ARFGEF1: variants seen among roughly 807,000 people sequenced by gnomAD.
ARFGEF1 encodes the protein brefeldin A-inhibited guanine nucleotide-exchange protein 1.
In ARFGEF1, 42 loss-of-function variants were observed where a neutral mutation model predicts 231.0. The ratio of observed to expected loss-of-function variants is 0.18; its 90% CI spans 0.14 to 0.24. The LOEUF (loss-of-function observed/expected upper bound fraction) is 0.24. Ranked by LOEUF, ARFGEF1 falls within the 10% of genes least tolerant of loss-of-function variation. The pLI, the probability that ARFGEF1 is intolerant of heterozygous loss-of-function variation, is 1.00. For synonymous variants in ARFGEF1, 710 were observed against 732.3 expected (o/e 0.97, Z 0.49); for missense variants, 1,345 against 2,192.0 (o/e 0.61, Z 7.72).
rs1029237135 is a variant in ARFGEF1 at position 67,276,211 on chromosome 8, T to C, written c.1204-102A>G. 3.7e-5 allele frequency: 48 copies of C among 1,313,156 alleles called. No individual in the cohort carries two copies. The African/African-American group carries it at 5.0e-4, about 14-fold the overall frequency. 81.3% of individuals were successfully genotyped at this position (1,313,156 alleles called of 1,614,324 possible). A position where few individuals can be genotyped will look rare whatever the true frequency, so the allele number is the denominator to read the frequency against. The stretch of plus-strand genomic sequence containing the variant: ...CATTCAATTCACTAACAGGTGGAGA[T>C]TCCCCCACTGTTGGAAGGGGAACCA... On this transcript the variant is annotated intron_variant, in intron 8 of 38. Transcript: ENST00000262215.
chr8:67,199,382 G>A (rs1838233126), intron 38 of ARFGEF1: 2 of 284,126 alleles, frequency 7.0e-6, no homozygotes, highest in Non-Finnish European at 1.3e-5. Context: ...ATAAGCAGCA[G>A]GCAAGTGAGT....
chr8:67,200,141 C>A, intron 38 of ARFGEF1: 2 of 479,936 alleles, frequency 4.2e-6, no homozygotes, highest in Non-Finnish European at 4.0e-6. Context: ...TCAAGGTATC[C>A]CAAGGGATTC....
At chr8:67,221,370 G>GT (rs768353004) in intron 29 of ARFGEF1, among the ~76,000 whole-genome samples, 2 of 152,104 alleles carry the variant, frequency 1.3e-5, no homozygotes. Flanking sequence ...TTCCAATGGC[G>GT]TAAGATGTGG....
At chr8:67,266,763 T>A (rs1804870530) in intron 13 of ARFGEF1, 113 bp downstream of exon 13, 1 of 682,294 alleles carries the variant, frequency 1.5e-6, no homozygotes, top group Non-Finnish European at 2.3e-6. Flanking sequence ...TGTTTCCTCA[T>A]CAGTTAAATG....
In ARFGEF1 at chr8:67,238,725, G is replaced by A; in HGVS notation, c.3138+10C>T. The A allele has an allele frequency of 1.2e-6, 2 of 1,610,352 alleles. No individual in the cohort carries two copies. The highest frequency in any genetic ancestry group is 1.7e-6 in the Non-Finnish European group (2 of 1,177,538). ...ACCAAATTGCAAAGTTGAAAATAAA[G>A]TGCTTATACCTCATGCCATGAATTT... On this transcript the variant is annotated intron_variant, in intron 21 of 38. Transcript: ENST00000262215.
intron 5 of ARFGEF1, among the ~76,000 whole-genome samples, chr8:67,181,797 G>C (rs568601402): frequency 1.3e-5 from 2 of 152,198 alleles, no homozygotes; most frequent in East Asian, 3.9e-4. Context: ...CTTGAAAATA[G>C]AAACTCTTCA....
chr8:67,225,049 T>G lies in ARFGEF1; in HGVS notation c.4078-16A>C, dbSNP rs758839405. ...CCTTGAAAGCCTTCAAGAAAAAAGG[T>G]AGGGTTATTAAAGGCAAAACATAAC... On this transcript the variant is annotated splice_polypyrimidine_tract_variant and intron_variant, in intron 28 of 38. Coordinates refer to ENST00000262215, the MANE Select transcript of ARFGEF1 (RefSeq NM_006421.5). 94 of 1,580,476 alleles carry G rather than the reference T, an allele frequency of 5.9e-5. No homozygotes were observed. In the Admixed American group the frequency reaches 7.6e-4, roughly 13 times the overall value.
intron 35 of ARFGEF1, 106 bp downstream of exon 35, chr8:67,204,574 G>A: frequency 7.6e-7 from 1 of 1,312,560 alleles, no homozygotes; most frequent in Non-Finnish European, 1.0e-6. Flanking sequence ...ACATCTGTAT[G>A]ATGAAGGCCC....
chr8:67,269,010 C>T (rs1022592581), intron 10 of ARFGEF1, among the ~76,000 whole-genome samples: 14 of 152,208 alleles, frequency 9.2e-5, no homozygotes, highest in African/African-American at 3.4e-4. Flanking sequence ...TATCAAATTG[C>T]ACTAATAAGC....
At chr8:67,319,502 C>CAA (rs34386557) in intron 1 of ARFGEF1, among the ~76,000 whole-genome samples, 14 of 103,626 alleles carry the variant, frequency 1.4e-4, no homozygotes, top group Non-Finnish European at 2.1e-4. Context: ...CACCCATTTG[C>CAA]AAAAAAAAAA....
intron 33 of ARFGEF1, among the ~76,000 whole-genome samples, chr8:67,212,792 G>T (rs1343845886): frequency 6.6e-6 from 1 of 152,170 alleles, no homozygotes; most frequent in African/African-American, 2.4e-5. Context: ...TCAGTTCTCA[G>T]AATTAAAAAT....
At position 67,227,605 on chromosome 8, in the gene ARFGEF1, T is replaced by C. The variant is rs762106525; in HGVS notation, c.3592-7A>G. On this transcript the variant is annotated splice_region_variant and splice_polypyrimidine_tract_variant and intron_variant, in intron 25 of 38. Transcript: ENST00000262215. ...CATTAGGATTACACCCAACCTGTAA[T>C]GGCGACAGAAATAAACGATGCTAAT... 1 of 1,610,158 alleles carries C rather than the reference T, an allele frequency of 6.2e-7. No homozygotes were observed. The highest frequency in any genetic ancestry group is 1.7e-5 in the Admixed American group (1 of 59,290).
At chr8:67,312,259 A>C (rs1306570701) in intron 1 of ARFGEF1, among the ~76,000 whole-genome samples, 2 of 150,522 alleles carry the variant, frequency 1.3e-5, no homozygotes, top group African/African-American at 4.9e-5. Context: ...AAAAAAAAAA[A>C]ACAACACACA....
chr8:67,193,487 A>G (rs557509288), downstream of ARFGEF1: 11 of 1,613,504 alleles, frequency 6.8e-6, no homozygotes, highest in East Asian at 6.7e-5. Flanking sequence ...CTAATGTAGC[A>G]CCAGATGGTC....
intron 1 of ARFGEF1, among the ~76,000 whole-genome samples, chr8:67,329,573 T>TAAATAAAA (rs1563919105): frequency 6.8e-6 from 1 of 147,896 alleles, no homozygotes; most frequent in African/African-American, 2.5e-5. Context: ...AATAAATAAA[T>TAAATAAAA]AAAAAGAATT....
At chr8:67,299,000 T>A (rs1393721937) in intron 4 of ARFGEF1, among the ~76,000 whole-genome samples, 1 of 152,132 alleles carries the variant, frequency 6.6e-6, no homozygotes, top group African/African-American at 2.4e-5. Flanking sequence ...GCCAGGCTGC[T>A]CTCAAACTCC....
chr8:67,322,407 C>T (rs1219596551), intron 1 of ARFGEF1, among the ~76,000 whole-genome samples: 1 of 152,172 alleles, frequency 6.6e-6, no homozygotes, highest in Non-Finnish European at 1.5e-5. Context: ...GAATAAATAG[C>T]TGTTATCAGC....
intron 1 of ARFGEF1, among the ~76,000 whole-genome samples, chr8:67,303,606 C>T (rs114230421): frequency 0.024 from 3,698 of 151,966 alleles, 169 homozygotes; most frequent in African/African-American, 0.084. Context: ...CACAGCTACT[C>T]GGACGGCTGA....
chr8:67,176,614 C>T (rs1831709044), intron 5 of ARFGEF1, among the ~76,000 whole-genome samples: 1 of 152,120 alleles, frequency 6.6e-6, no homozygotes, highest in Non-Finnish European at 1.5e-5. Context: ...TCTTTAGTCT[C>T]AAAATGAAGA....
Sources: gnomAD v4.1 joint callset for allele counts (sites outside exome capture counted in the v4.1 genomes callset) on GRCh38, gnomAD v4.1.1 for gene constraint, MANE v1.5 for transcripts, NCBI Gene and HGNC (gene_info 2026-07-23, HGNC 2026-07-21) for gene names.